STIM1: variants seen among roughly 807,000 people sequenced by gnomAD.
STIM1 encodes stromal interaction molecule 1.
A neutral mutation model predicts 74.7 loss-of-function variants in STIM1; 25 were observed. The observed-to-expected ratio is 0.33, with a 90% CI of 0.24 to 0.47. STIM1 has a LOEUF of 0.47. Among genes scored for constraint, STIM1 ranks in the 20% least tolerant of loss-of-function variants. STIM1 has a pLI of 1.00. For missense variants in STIM1, 728 were observed against 920.8 expected, an observed-to-expected ratio of 0.79 and a Z score of 2.71; for synonymous variants, 328 against 348.8, an observed-to-expected ratio of 0.94 and a Z score of 0.66.
intron 3 of STIM1, among the ~76,000 whole-genome samples, chr11:4,047,790 A>AGT: frequency 6.6e-6 from 1 of 150,962 alleles, no homozygotes; most frequent in East Asian, 1.9e-4. Flanking sequence ...ACTGCACTCA[A>AGT]GCCTCGGTGG....
At chr11:3,925,059 T>C (rs1454471160) in intron 1 of STIM1, among the ~76,000 whole-genome samples, 2 of 152,236 alleles carry the variant, frequency 1.3e-5, no homozygotes, top group African/African-American at 4.8e-5. Context: ...ATTTAATATA[T>C]ATTTTCTAAC....
intron 2 of STIM1, among the ~76,000 whole-genome samples, chr11:3,984,367 G>C (rs1294359118): frequency 6.6e-6 from 1 of 152,102 alleles, no homozygotes; most frequent in African/African-American, 2.4e-5. Flanking sequence ...CTGACCCCCT[G>C]CTCTTAATTC....
intron 3 of STIM1, among the ~76,000 whole-genome samples, chr11:4,039,214 C>A (rs540861303): frequency 6.6e-6 from 1 of 152,190 alleles, no homozygotes; most frequent in South Asian, 2.1e-4. Flanking sequence ...ATCACTTGAG[C>A]CCCAGAGGTT....
intron 2 of STIM1, among the ~76,000 whole-genome samples, chr11:4,021,406 A>C (rs1482604056): frequency 6.6e-6 from 1 of 152,212 alleles, no homozygotes; most frequent in Non-Finnish European, 1.5e-5. Flanking sequence ...GATTACAGGC[A>C]TGAGCCACCG....
chr11:3,926,414 A>G, intron 1 of STIM1, among the ~76,000 whole-genome samples: 1 of 152,360 alleles, frequency 6.6e-6, no homozygotes, highest in South Asian at 2.1e-4. Context: ...ATTAAAAACA[A>G]TTATAAAATA....
intron 1 of STIM1, among the ~76,000 whole-genome samples, chr11:3,914,556 C>T (rs2092614084): frequency 6.6e-6 from 1 of 152,192 alleles, no homozygotes; most frequent in African/African-American, 2.4e-5. Flanking sequence ...ATTCTCCTGT[C>T]TCAGCCTCCC....
intron 1 of STIM1, among the ~76,000 whole-genome samples, chr11:3,910,975 GACAA>G (rs1316348992): frequency 6.6e-6 from 1 of 152,132 alleles, no homozygotes; most frequent in African/African-American, 2.4e-5. Flanking sequence ...AACAGAGCGA[GACAA>G]ACAGACAAAC....
chr11:4,083,384 C>T lies in STIM1; in HGVS notation c.1360C>T (p.Leu454Phe). The T allele has an allele frequency of 6.2e-7, 1 of 1,614,244 alleles. No individual in the cohort carries two copies. The highest frequency in any genetic ancestry group is 8.5e-7 in the Non-Finnish European group (1 of 1,180,040). Reference protein sequence around the residue: ...NPGIHSLVAALNIDPSWMGST... With the variant: ...NPGIHSLVAAFNIDPSWMGST... Reference sequence around the variant, plus strand: ...TGGCATCCACTCACTGGTGGCTGCCCTCAACATAGACCCCAGCTGGATGGG... The same window carrying T: ...TGGCATCCACTCACTGGTGGCTGCCTTCAACATAGACCCCAGCTGGATGGG... Residue 454 changes from leucine (L) to phenylalanine (F), a missense_variant, in exon 10 of 13, where the codon CTC becomes TTC. By Grantham distance (22) the Leu-to-Phe change is conservative. This residue lies in a region of STIM1 where 352 missense variants were observed against 370.1 expected (regional missense o/e 0.95). Transcript: ENST00000526596.
intron 3 of STIM1, among the ~76,000 whole-genome samples, chr11:4,033,780 T>C (rs1358680028): frequency 6.6e-6 from 1 of 151,592 alleles, no homozygotes; most frequent in African/African-American, 2.4e-5. Flanking sequence ...TTTTTATTTT[T>C]AGTAGAGACG....
chr11:4,091,970 A>G lies in STIM1; in HGVS notation c.*172A>G, dbSNP rs3750996. 13,641 of 898,664 alleles carry G rather than the reference A, an allele frequency of 0.015. 1,021 individuals are homozygous for G. In the East Asian group the frequency reaches 0.2, roughly 13 times the overall value. The allele number at this position is 898,664 out of a possible 1,614,324, so 55.7% of individuals were successfully genotyped here. On this transcript the variant is annotated 3_prime_UTR_variant, in exon 13 of 13. Transcript: ENST00000526596. The stretch of plus-strand genomic sequence containing the variant: ...CCTCATCCTTGGGTCCTTCATTATT[A>G]TTTATTAACTGACCACCATGGCCTG...
chr11:3,882,092 C>CTTTTTTT (rs946580998), intron 1 of STIM1, among the ~76,000 whole-genome samples: 8 of 92,310 alleles, frequency 8.7e-5, no homozygotes, highest in Non-Finnish European at 1.0e-4. Flanking sequence ...CACTTCATTC[C>CTTTTTTT]TTTTTTTTTT....
intron 1 of STIM1, among the ~76,000 whole-genome samples, chr11:3,907,977 G>C (rs1300440344): frequency 6.6e-6 from 1 of 152,088 alleles, no homozygotes; most frequent in Non-Finnish European, 1.5e-5. Context: ...TTTAAAAATA[G>C]CAATCCCTCC....
intron 2 of STIM1, among the ~76,000 whole-genome samples, chr11:4,017,309 G>T (rs540379650): frequency 1.3e-5 from 2 of 152,158 alleles, no homozygotes; most frequent in South Asian, 4.1e-4. Context: ...CTTCCTTCAG[G>T]TAGAGCTTCT....
At chr11:3,857,091 T>C (rs1210305487) in intron 1 of STIM1, among the ~76,000 whole-genome samples, 1 of 135,448 alleles carries the variant, frequency 7.4e-6, no homozygotes, top group Non-Finnish European at 1.6e-5. Context: ...AATTCCATGC[T>C]ACAGGTTTTT....
chr11:4,012,318 G>A (rs1375209707), intron 2 of STIM1, among the ~76,000 whole-genome samples: 2 of 152,174 alleles, frequency 1.3e-5, no homozygotes, highest in African/African-American at 2.4e-5. Flanking sequence ...CTTGGGCAGT[G>A]TGGCCATTTT....
At chr11:4,053,545 C>G (rs1188308099) in intron 3 of STIM1, among the ~76,000 whole-genome samples, 1 of 146,752 alleles carries the variant, frequency 6.8e-6, no homozygotes, top group East Asian at 2.0e-4. Context: ...AACACTTGGA[C>G]ACAGGAAGGG....
intron 1 of STIM1, chr11:3,893,011 C>A: frequency 1.6e-6 from 1 of 626,760 alleles, no homozygotes; most frequent in South Asian, 1.9e-5. Flanking sequence ...CTCAAGCAAT[C>A]CACCCACTTC....
intron 1 of STIM1, chr11:3,961,235 C>T: frequency 9.8e-6 from 2 of 203,912 alleles, no homozygotes; most frequent in Non-Finnish European, 2.1e-5. Context: ...AGCAATGCCT[C>T]AGCCTCCCAA....
At chr11:3,929,999 C>T (rs1384881776) in intron 1 of STIM1, among the ~76,000 whole-genome samples, 1 of 152,182 alleles carries the variant, frequency 6.6e-6, no homozygotes, top group East Asian at 1.9e-4. Flanking sequence ...AGAATGGAAA[C>T]AGGGCAATCT....
Sources: allele counts gnomAD v4.1 joint callset (sites outside exome capture counted in the v4.1 genomes callset), GRCh38; gene constraint gnomAD v4.1.1; regional missense constraint gnomAD v4.1.1; transcripts MANE v1.5; gene names NCBI Gene and HGNC (gene_info 2026-07-23, HGNC 2026-07-21).